Variants in SLC13A1 observed in about 807,000 individuals in gnomAD.
SLC13A1 encodes the protein solute carrier family 13 member 1.
In SLC13A1, 65 loss-of-function variants were observed where a neutral mutation model predicts 70.0. The observed-to-expected ratio is 0.93, with a 90% confidence interval of 0.76 to 1.14. The LOEUF (loss-of-function observed/expected upper bound fraction) is 1.14, where lower values mean the gene tolerates loss of function less well. Among genes scored for constraint, SLC13A1 ranks in the 50% most tolerant of loss-of-function variants. SLC13A1 has a pLI of 0.00. For synonymous variants in SLC13A1, 275 were observed against 250.5 expected (o/e 1.10, Z -0.92); for missense variants, 726 against 717.8 (o/e 1.01, Z -0.13).
chr7:123,183,798 G>A (rs1301773120), intron 1 of SLC13A1, among the ~76,000 whole-genome samples: 2 of 152,118 alleles, frequency 1.3e-5, no homozygotes, highest in Non-Finnish European at 2.9e-5. Context: ...CTTTAAATCT[G>A]GTTCCATACA....
Position 123,115,393 on chromosome 7 carries a change from G to C in SLC13A1, c.*125C>G, listed in dbSNP as rs1319814144. 4.1e-6 allele frequency: 4 copies of C among 968,682 alleles called. No homozygotes were observed. The highest frequency in any genetic ancestry group is 4.6e-5 in the Admixed American group (2 of 43,068). The allele number at this position is 968,682 out of a possible 1,614,324, so 60.0% of individuals were successfully genotyped here. The stretch of plus-strand genomic sequence containing the variant: ...AACAGCAGGTTTCGGGTATTCACAG[G>C]AATTGCAGCAGCTACACCATAACTG... On this transcript the variant is annotated 3_prime_UTR_variant, in exon 15 of 15. Coordinates refer to ENST00000194130, the MANE Select transcript of SLC13A1 (RefSeq NM_022444.4).
chr7:123,182,242 G>A (rs1795663568), intron 1 of SLC13A1, among the ~76,000 whole-genome samples: 1 of 152,128 alleles, frequency 6.6e-6, no homozygotes, highest in Non-Finnish European at 1.5e-5. Flanking sequence ...GTGTATACTA[G>A]CTTAAATTAA....
At chr7:123,145,865 G>A (rs1212391303) in intron 7 of SLC13A1, among the ~76,000 whole-genome samples, 4 of 152,088 alleles carry the variant, frequency 2.6e-5, no homozygotes, top group Non-Finnish European at 4.4e-5. Flanking sequence ...TAGAGAATCC[G>A]TGCATGCACA....
At position 123,187,091 on chromosome 7, in the gene SLC13A1, A is replaced by T. The variant is rs371727612; in HGVS notation, c.100-5990T>A. ...TCAAGAAGTTCAGCAAACAAGTCAC[A>T]CCTAGCCAGACAGAGGCAATTGTGT... On this transcript the variant is annotated intron_variant, in intron 1 of 14. Coordinates refer to ENST00000194130, the MANE Select transcript of SLC13A1 (RefSeq NM_022444.4). Among the ~76,000 whole-genome samples, 4 of 152,262 alleles carry T rather than the reference A, an allele frequency of 2.6e-5. No individual in the cohort carries two copies. The East Asian group carries it at 7.7e-4, about 29-fold the overall frequency.
intron 14 of SLC13A1, among the ~76,000 whole-genome samples, chr7:123,116,573 C>A (rs536812277): frequency 2.0e-5 from 3 of 152,304 alleles, no homozygotes; most frequent in African/African-American, 4.8e-5. Context: ...TGCAAGCCAG[C>A]CACTTATTTA....
At chr7:123,199,480 C>T (rs1040236628) in intron 1 of SLC13A1, among the ~76,000 whole-genome samples, 1 of 152,054 alleles carries the variant, frequency 6.6e-6, no homozygotes, top group Non-Finnish European at 1.5e-5. Flanking sequence ...CCAGCAATTG[C>T]TTTGCTGCCT....
intron 6 of SLC13A1, among the ~76,000 whole-genome samples, chr7:123,161,177 ATAATCTT>A: frequency 6.6e-6 from 1 of 151,610 alleles, no homozygotes; most frequent in Non-Finnish European, 1.5e-5. Context: ...TATTTGAAAA[ATAATCTT>A]TAAAATACAG....
rs1585292627 is a variant in SLC13A1 at position 123,125,567 on chromosome 7, A to G, written c.1240+2T>C. The stretch of plus-strand genomic sequence containing the variant: ...TATGCAGAATTATAAATGATACTCA[A>G]CCAATTTCTCCTGTAGGTGTAGTTT... On this transcript the variant is annotated splice_donor_variant, in intron 11 of 14. Coordinates refer to ENST00000194130, the MANE Select transcript of SLC13A1 (RefSeq NM_022444.4). LOFTEE classifies it high-confidence loss of function. 1 of 1,591,594 alleles carries G rather than the reference A, an allele frequency of 6.3e-7. No homozygotes were observed. The highest frequency in any genetic ancestry group is 8.6e-7 in the Non-Finnish European group (1 of 1,166,162).
intron 2 of SLC13A1, among the ~76,000 whole-genome samples, chr7:123,173,516 A>T (rs1442147717): frequency 6.6e-6 from 1 of 151,906 alleles, no homozygotes; most frequent in Non-Finnish European, 1.5e-5. Context: ...TGCTTGATAA[A>T]TTTTTCCCTC....
At chr7:123,180,382 A>G (rs571327991) in intron 2 of SLC13A1, among the ~76,000 whole-genome samples, 1 of 152,090 alleles carries the variant, frequency 6.6e-6, no homozygotes, top group African/African-American at 2.4e-5. Context: ...TGTGGTTTAG[A>G]CAGTTGTTCA....
chr7:123,188,971 C>T (rs1029843841), intron 1 of SLC13A1, among the ~76,000 whole-genome samples: 21 of 150,560 alleles, frequency 1.4e-4, no homozygotes, highest in African/African-American at 4.1e-4. Context: ...AAAAATTAGC[C>T]GGGTGTAGTG....
intron 8 of SLC13A1, 97 bp downstream of exon 8, chr7:123,134,313 G>A (rs919880282): frequency 1.4e-5 from 16 of 1,112,820 alleles, no homozygotes; most frequent in Non-Finnish European, 1.9e-5. Flanking sequence ...CAGAAAGGTA[G>A]CCTGCATGGC....
chr7:123,131,516 C>T (rs1022535086), intron 8 of SLC13A1, among the ~76,000 whole-genome samples: 1 of 152,204 alleles, frequency 6.6e-6, no homozygotes, highest in Non-Finnish European at 1.5e-5. Context: ...ATGCATCAAA[C>T]TCTCCATTTA....
intron 1 of SLC13A1, among the ~76,000 whole-genome samples, chr7:123,191,620 C>T (rs1164417932): frequency 1.3e-5 from 2 of 152,108 alleles, no homozygotes; most frequent in Admixed American, 1.3e-4. Flanking sequence ...GACAGATAAA[C>T]CTGTTTTCTG....
intron 6 of SLC13A1, among the ~76,000 whole-genome samples, chr7:123,147,537 C>CCTCT (rs112153839): frequency 0.011 from 1,566 of 147,840 alleles, 18 homozygotes; most frequent in East Asian, 0.058. Flanking sequence ...GAGCTTGATT[C>CCTCT]CTCTCTCTCT....
At chr7:123,193,784 C>CAGA (rs2116681148) in intron 1 of SLC13A1, among the ~76,000 whole-genome samples, 1 of 152,180 alleles carries the variant, frequency 6.6e-6, no homozygotes, top group African/African-American at 2.4e-5. Context: ...TCACAGTGGG[C>CAGA]ATTCACATTT....
chr7:123,169,036 T>C, intron 4 of SLC13A1, 112 bp downstream of exon 4: 1 of 919,758 alleles, frequency 1.1e-6, no homozygotes. Flanking sequence ...GAAAGTTAAA[T>C]TCATATCATG....
At chr7:123,144,612 A>G (rs1794286449) in intron 7 of SLC13A1, among the ~76,000 whole-genome samples, 1 of 152,102 alleles carries the variant, frequency 6.6e-6, no homozygotes, top group South Asian at 2.1e-4. Context: ...AAAAAGAGAA[A>G]ATGCCACATA....
chr7:123,117,663 CAT>C, intron 13 of SLC13A1, 55 bp from the exon 14 acceptor site: 3 of 1,115,496 alleles, frequency 2.7e-6, no homozygotes, highest in Non-Finnish European at 3.7e-6. Context: ...AGACACGAAA[CAT>C]AAAAAAAAAA....
Sources: gnomAD v4.1 joint callset for allele counts (sites outside exome capture counted in the v4.1 genomes callset) on GRCh38, gnomAD v4.1.1 for gene constraint, MANE v1.5 for transcripts, NCBI Gene and HGNC (gene_info 2026-07-23, HGNC 2026-07-21) for gene names.